Variants in PLD5 observed in about 807,000 individuals in gnomAD.
PLD5 encodes inactive phospholipase D5.
In PLD5, 36 loss-of-function variants were observed where a neutral mutation model predicts 61.1. The ratio of observed to expected loss-of-function variants is 0.59; its 90% CI spans 0.45 to 0.78. PLD5 has a LOEUF of 0.78. PLD5 is among the 30% of genes least tolerant of loss of function. The pLI is 0.00. For synonymous variants in PLD5, 243 were observed against 242.8 expected (o/e 1.00, Z -0.01); for missense variants, 515 against 644.4 (o/e 0.80, Z 2.17).
At chr1:242,324,190 C>G (rs1485476123) in intron 2 of PLD5, among the ~76,000 whole-genome samples, 1 of 152,054 alleles carries the variant, frequency 6.6e-6, no homozygotes, top group Non-Finnish European at 1.5e-5. Context: ...AGGCAAATGA[C>G]AGCCGGTTAA....
At chr1:242,452,759 T>G (rs1209675984) in intron 1 of PLD5, among the ~76,000 whole-genome samples, 1 of 152,284 alleles carries the variant, frequency 6.6e-6, no homozygotes, top group East Asian at 1.9e-4. Flanking sequence ...GAGGTTGCAC[T>G]GAGCTGAGAT....
intron 2 of PLD5, among the ~76,000 whole-genome samples, chr1:242,326,030 G>A (rs960248208): frequency 6.6e-6 from 1 of 152,082 alleles, no homozygotes; most frequent in Admixed American, 6.6e-5. Flanking sequence ...TGGGACTACA[G>A]GCATGTGTCA....
At chr1:242,405,394 G>A (rs1664179055) in intron 1 of PLD5, among the ~76,000 whole-genome samples, 1 of 152,024 alleles carries the variant, frequency 6.6e-6, no homozygotes, top group African/African-American at 2.4e-5. Flanking sequence ...TAGAGGCCAG[G>A]GATGCTGCTC....
At chr1:242,397,623 G>C (rs554095960) in intron 1 of PLD5, among the ~76,000 whole-genome samples, 1 of 152,048 alleles carries the variant, frequency 6.6e-6, no homozygotes, top group Admixed American at 6.6e-5. Flanking sequence ...TAATAGGTAG[G>C]ACCAAGGCTT....
chr1:242,348,861 T>A (rs554966095), intron 1 of PLD5, among the ~76,000 whole-genome samples: 2 of 152,170 alleles, frequency 1.3e-5, no homozygotes, highest in African/African-American at 4.8e-5. Flanking sequence ...AAGACCGTCC[T>A]GGCTAACACG....
intron 4 of PLD5, among the ~76,000 whole-genome samples, chr1:242,261,441 GATAA>G (rs1673365365): frequency 6.6e-6 from 1 of 152,024 alleles, no homozygotes; most frequent in Non-Finnish European, 1.5e-5. Flanking sequence ...ACCTTGTGAT[GATAA>G]ATAGTTTGTA....
chr1:242,086,976 GA>G lies in PLD5; in HGVS notation c.*2877del, dbSNP rs1011236651. The G allele has an allele frequency of 5.3e-5, 8 of 151,714 alleles. No homozygotes were observed. The highest frequency in any genetic ancestry group is 1.9e-4 in the African/African-American group (8 of 41,250). The allele number at this position is 151,714 out of a possible 1,614,324, so 9.4% of individuals were successfully genotyped here. A position where few individuals can be genotyped will look rare whatever the true frequency, so the allele number is the denominator to read the frequency against. On this transcript the variant is annotated 3_prime_UTR_variant, in exon 10 of 10. Coordinates refer to ENST00000536534, the MANE Select transcript of PLD5 (RefSeq NM_001372062.1). Reference sequence around the variant, plus strand: ...TTCCCTCCTGGAAAGTAATTCCTGGGATATTTAGGGGTGGGGGGGAATGGAG... The same window carrying G: ...TTCCCTCCTGGAAAGTAATTCCTGGGTATTTAGGGGTGGGGGGGAATGGAG...
At chr1:242,513,205 A>G (rs1398128540) in intron 1 of PLD5, among the ~76,000 whole-genome samples, 1 of 152,108 alleles carries the variant, frequency 6.6e-6, no homozygotes, top group Non-Finnish European at 1.5e-5. Context: ...GTCGCATATG[A>G]CATCTGTAGC....
At position 242,200,630 on chromosome 1, in the gene PLD5, C is replaced by CAA. The variant is rs111252018; in HGVS notation, c.735+19356_735+19357dup. Among the ~76,000 whole-genome samples, 257 of 108,458 alleles carry CAA rather than the reference C, an allele frequency of 2.4e-3. 4 individuals are homozygous for CAA. Among genetic ancestry groups the CAA allele is most frequent in the African/African-American group, 6.7e-3 (218 of 32,512 alleles). The allele number at this position is 108,458 out of a possible 152,430, so 71.2% of individuals were successfully genotyped here. On this transcript the variant is annotated intron_variant, in intron 5 of 9. Coordinates refer to ENST00000536534, the MANE Select transcript of PLD5 (RefSeq NM_001372062.1). ...AGTACGAGAAACAGTGTGGCACAGG[C>CAA]AAAAAAAAAAAATGTGTTGCATAAA... is the stretch of plus-strand genomic sequence containing the variant.
intron 2 of PLD5, among the ~76,000 whole-genome samples, chr1:242,312,779 T>C (rs1211477340): frequency 6.6e-6 from 1 of 152,256 alleles, no homozygotes; most frequent in Non-Finnish European, 1.5e-5. Flanking sequence ...ACTGCCATGC[T>C]GCCTTGGGGC....
chr1:242,390,584 G>T (rs1275896591), intron 1 of PLD5, among the ~76,000 whole-genome samples: 1 of 152,096 alleles, frequency 6.6e-6, no homozygotes, highest in Non-Finnish European at 1.5e-5. Flanking sequence ...ATTACAGAAA[G>T]GTTGAAAATA....
rs971054004 is a variant in PLD5, at chr1:242,086,422, A to C, written c.*3432T>G. The C allele has an allele frequency of 1.3e-5, 2 of 152,286 alleles. No homozygotes were observed. Among genetic ancestry groups the C allele is most frequent in the African/African-American group, 4.8e-5 (2 of 41,566 alleles). The allele number at this position is 152,286 out of a possible 1,614,324, so 9.4% of individuals were successfully genotyped here. A position where few individuals can be genotyped will look rare whatever the true frequency, so the allele number is the denominator to read the frequency against. On this transcript the variant is annotated 3_prime_UTR_variant, in exon 10 of 10. Transcript: ENST00000536534. ...GTTTCTATCAGGTTCAGGTACCTAAAGCTTGTTGTTTACAAAGCATGGATG... is the reference window on the plus strand; with the variant it reads ...GTTTCTATCAGGTTCAGGTACCTAACGCTTGTTGTTTACAAAGCATGGATG...
chr1:242,297,257 T>C (rs1456537596), intron 2 of PLD5, among the ~76,000 whole-genome samples: 3 of 143,896 alleles, frequency 2.1e-5, no homozygotes, highest in East Asian at 4.2e-4. Context: ...GGCAGGAAAA[T>C]TGCTTGAACT....
intron 5 of PLD5, among the ~76,000 whole-genome samples, chr1:242,143,784 C>A (rs1439526439): frequency 6.6e-6 from 1 of 152,006 alleles, no homozygotes. Flanking sequence ...GATACTGAAC[C>A]AGGAAGCATA....
intron 1 of PLD5, among the ~76,000 whole-genome samples, chr1:242,474,172 C>G (rs921315042): frequency 6.6e-6 from 1 of 152,212 alleles, no homozygotes; most frequent in Non-Finnish European, 1.5e-5. Context: ...TTTGCCATTA[C>G]TTGCAATGGC....
intron 1 of PLD5, among the ~76,000 whole-genome samples, chr1:242,499,408 T>C (rs1386050921): frequency 1.3e-5 from 2 of 152,238 alleles, no homozygotes; most frequent in African/African-American, 2.4e-5. Flanking sequence ...ATAATAGTTA[T>C]GCTAATAATG....
At chr1:242,527,048 AT>A (rs1371288739), upstream of PLD5, among the ~76,000 whole-genome samples, 1 of 143,546 alleles carries the variant, frequency 7.0e-6, no homozygotes, top group East Asian at 2.1e-4. Flanking sequence ...AAGTAAATAG[AT>A]TTTTTTTAAA....
intron 2 of PLD5, among the ~76,000 whole-genome samples, chr1:242,340,176 C>T (rs911333762): frequency 2.6e-5 from 4 of 152,104 alleles, no homozygotes; most frequent in South Asian, 4.1e-4. Context: ...TCATTTAGTG[C>T]CCTGGAAATC....
chr1:242,112,283 C>CGGTGTGTG (rs1661563363), intron 7 of PLD5, among the ~76,000 whole-genome samples: 1 of 119,652 alleles, frequency 8.4e-6, no homozygotes, highest in Admixed American at 8.5e-5. Context: ...AAAGGATGCA[C>CGGTGTGTG]TGTGTGTGTG....
Sources: gnomAD v4.1 joint callset for allele counts (sites outside exome capture counted in the v4.1 genomes callset) on GRCh38, gnomAD v4.1.1 for gene constraint, MANE v1.5 for transcripts, NCBI Gene and HGNC (gene_info 2026-07-23, HGNC 2026-07-21) for gene names.